Variants in HHAT observed in about 807,000 individuals in gnomAD.
The protein encoded by HHAT is hedgehog acyltransferase.
HHAT carries 47 observed loss-of-function variants against 70.8 expected under a neutral mutation model. The observed-to-expected ratio is 0.66, with a 90% CI of 0.53 to 0.85. The LOEUF (loss-of-function observed/expected upper bound fraction) is 0.85. Ranked by LOEUF, HHAT falls within the 40% of genes least tolerant of loss-of-function variation. HHAT has a pLI of 0.00. For missense variants in HHAT, 609 were observed against 604.8 expected (o/e 1.01, Z -0.07); for synonymous variants, 228 against 247.6 (o/e 0.92, Z 0.74).
chr1:210,427,401 T>C (rs1297209208), intron 7 of HHAT, among the ~76,000 whole-genome samples: 1 of 152,194 alleles, frequency 6.6e-6, no homozygotes, highest in African/African-American at 2.4e-5. Context: ...TGTTAGGTTA[T>C]TAACTTGAGA....
intron 9 of HHAT, among the ~76,000 whole-genome samples, chr1:210,529,841 C>T (rs1392606575): frequency 6.6e-6 from 1 of 152,166 alleles, no homozygotes. Flanking sequence ...CAATGGTCTC[C>T]CAGCCTGATT....
At chr1:210,433,910 G>C (rs561138637) in intron 7 of HHAT, among the ~76,000 whole-genome samples, 4 of 151,958 alleles carry the variant, frequency 2.6e-5, no homozygotes, top group Non-Finnish European at 4.4e-5. Flanking sequence ...CCACACCAGC[G>C]TTGTACCAGT....
rs1169346797 is a variant in HHAT, at chr1:210,657,519, G to A, written c.1391-16769G>A. On this transcript the variant is annotated intron_variant, in intron 11 of 11. Transcript: ENST00000261458. ...GCTTCTGAGAGCTCTGGGAAGAGCT[G>A]CTGTGGCCATGGCTGCTGCCCCCGG... Among the ~76,000 whole-genome samples the A allele has an allele frequency of 1.1e-4, 16 of 152,314 alleles. No individual in the cohort carries two copies. The East Asian group carries it at 2.5e-3, about 24-fold the overall frequency.
intron 11 of HHAT, among the ~76,000 whole-genome samples, chr1:210,633,438 C>G (rs939523618): frequency 6.6e-6 from 1 of 152,188 alleles, no homozygotes; most frequent in Admixed American, 6.5e-5. Flanking sequence ...CAAGGAAAGC[C>G]AGCCTTCTGG....
intron 8 of HHAT, 33 bp from the exon 9 acceptor site, chr1:210,513,120 A>G: frequency 7.4e-7 from 1 of 1,357,040 alleles, no homozygotes; most frequent in South Asian, 1.2e-5. Flanking sequence ...AATATCTTTT[A>G]TTGATATGCT....
At chr1:210,527,231 CAGA>C (rs2095261106) in intron 9 of HHAT, among the ~76,000 whole-genome samples, 1 of 152,110 alleles carries the variant, frequency 6.6e-6, no homozygotes, top group African/African-American at 2.4e-5. Flanking sequence ...GCACCCAGCT[CAGA>C]CTCCCCTGGA....
chr1:210,645,383 T>C (rs1314146220), intron 11 of HHAT, among the ~76,000 whole-genome samples: 1 of 152,222 alleles, frequency 6.6e-6, no homozygotes, highest in Admixed American at 6.5e-5. Flanking sequence ...GTTCACGCCA[T>C]TCTCCTGCCT....
At chr1:210,354,182 CTAAACATAATGTCTTTT>C (rs1469588589) in intron 2 of HHAT, among the ~76,000 whole-genome samples, 1 of 140,254 alleles carries the variant, frequency 7.1e-6, no homozygotes, top group African/African-American at 2.6e-5. Flanking sequence ...AAATAGATAA[CTAAACATAATGTCTTTT>C]TTTTTTTTTT....
chr1:210,482,021 T>C (rs796607599), intron 8 of HHAT, among the ~76,000 whole-genome samples: 1 of 151,610 alleles, frequency 6.6e-6, no homozygotes, highest in South Asian at 2.1e-4. Context: ...GGTGGGGGAG[T>C]GGACTTTGTA....
chr1:210,418,434 C>A (rs559710391), intron 7 of HHAT, 109 bp downstream of exon 7: 2 of 941,832 alleles, frequency 2.1e-6, no homozygotes, highest in East Asian at 5.5e-5. Context: ...CTATAGCAAA[C>A]CCTCTTTATT....
chr1:210,573,558 A>G (rs998232791), intron 9 of HHAT, among the ~76,000 whole-genome samples: 5 of 152,208 alleles, frequency 3.3e-5, no homozygotes, highest in African/African-American at 1.2e-4. Flanking sequence ...CATATGTTAA[A>G]TATCACAACT....
At chr1:210,544,627 C>T (rs549280213) in intron 9 of HHAT, among the ~76,000 whole-genome samples, 46 of 152,162 alleles carry the variant, frequency 3.0e-4, no homozygotes, top group African/African-American at 1.1e-3. Flanking sequence ...CCCTCCTCAG[C>T]CTCCCAAAAT....
At chr1:210,423,662 T>C (rs2092970974) in intron 7 of HHAT, among the ~76,000 whole-genome samples, 1 of 152,194 alleles carries the variant, frequency 6.6e-6, no homozygotes, top group South Asian at 2.1e-4. Context: ...TCCTAATGCT[T>C]TCTTCTAGTA....
intron 11 of HHAT, among the ~76,000 whole-genome samples, chr1:210,663,318 G>A (rs1023323727): frequency 2.0e-5 from 3 of 152,080 alleles, no homozygotes; most frequent in Admixed American, 6.6e-5. Context: ...TGGAGTAGGG[G>A]GATGAAATGA....
At chr1:210,448,366 G>A (rs1399723375) in intron 7 of HHAT, among the ~76,000 whole-genome samples, 2 of 152,184 alleles carry the variant, frequency 1.3e-5, no homozygotes, top group Non-Finnish European at 2.9e-5. Context: ...ACAGACGTGA[G>A]CCACTGCACC....
chr1:210,608,375 A>T (rs1293190496), intron 10 of HHAT, among the ~76,000 whole-genome samples: 1 of 152,236 alleles, frequency 6.6e-6, no homozygotes, highest in Non-Finnish European at 1.5e-5. Context: ...TATAGTAAGT[A>T]TCAAAATAGA....
chr1:210,457,478 G>A (rs1037332248), intron 7 of HHAT, among the ~76,000 whole-genome samples: 4 of 152,260 alleles, frequency 2.6e-5, no homozygotes, highest in South Asian at 4.1e-4. Flanking sequence ...GAGAGGTCAG[G>A]CCACGGACTG....
At chr1:210,404,083 T>G (rs1219191321) in intron 5 of HHAT, among the ~76,000 whole-genome samples, 66 of 152,304 alleles carry the variant, frequency 4.3e-4, no homozygotes, top group Middle Eastern at 3.4e-3. Context: ...CTCTTTGTTA[T>G]CTGAATTGTT....
intron 2 of HHAT, among the ~76,000 whole-genome samples, chr1:210,360,837 T>A (rs897353534): frequency 8.0e-5 from 11 of 136,716 alleles, no homozygotes; most frequent in African/African-American, 5.7e-5. Context: ...GAATAAATAA[T>A]TAACTTCACT....
Sources: allele counts gnomAD v4.1 joint callset (sites outside exome capture counted in the v4.1 genomes callset), GRCh38; gene constraint gnomAD v4.1.1; transcripts MANE v1.5; gene names NCBI Gene and HGNC (gene_info 2026-07-23, HGNC 2026-07-21).